The following MYO9B variants were observed in gnomAD, a reference collection of about 807,000 sequenced individuals.
The protein encoded by MYO9B is unconventional myosin-IXb.
In MYO9B, 71 loss-of-function variants were observed where a neutral mutation model predicts 229.5. The ratio of observed to expected loss-of-function variants is 0.31; its 90% CI spans 0.26 to 0.38. The LOEUF is 0.38. Ranked by LOEUF, MYO9B falls within the 10% of genes least tolerant of loss-of-function variation. MYO9B has a pLI of 1.00. For synonymous variants in MYO9B, 1,185 were observed against 1,235.8 expected, an observed-to-expected ratio of 0.96 and a Z score of 0.86; for missense variants, 2,255 against 2,920.5, an observed-to-expected ratio of 0.77 and a Z score of 5.25.
intron 2 of MYO9B, among the ~76,000 whole-genome samples, chr19:17,133,028 G>A (rs9797829): frequency 0.2 from 30,841 of 151,406 alleles, 3,712 homozygotes; most frequent in African/African-American, 0.33. Flanking sequence ...TTGTATTTTT[G>A]GTAGAGACAG....
At chr19:17,125,900 G>A (rs996744688) in intron 2 of MYO9B, among the ~76,000 whole-genome samples, 2 of 152,172 alleles carry the variant, frequency 1.3e-5, no homozygotes, top group African/African-American at 2.4e-5. Context: ...TGAGGTTGGG[G>A]TGACTCTTCC....
intron 10 of MYO9B, among the ~76,000 whole-genome samples, chr19:17,165,795 G>T (rs1161583594): frequency 6.6e-6 from 1 of 152,068 alleles, no homozygotes; most frequent in Non-Finnish European, 1.5e-5. Context: ...AAAAGAAAAT[G>T]TGAAGATTCC....
chr19:17,112,505 G>A (rs891976576), intron 2 of MYO9B, among the ~76,000 whole-genome samples: 3 of 152,340 alleles, frequency 2.0e-5, no homozygotes, highest in Admixed American at 6.5e-5. Flanking sequence ...CTTCCCAAGT[G>A]CGACAGAGAG....
Position 17,172,413 on chromosome 19 carries a change from C to T in MYO9B, c.1871C>T (p.Thr624Ile), listed in dbSNP as rs2072734558. 1.2e-6 allele frequency: 2 copies of T among 1,613,966 alleles called. No homozygotes were observed. Among genetic ancestry groups the T allele is most frequent in the Non-Finnish European group, 1.7e-6 (2 of 1,179,884 alleles). The part of the protein sequence containing the change: ...QHEDNKYFLG[T>I]PVMEPAFIIQ... The stretch of plus-strand genomic sequence containing the variant: ...GAGGACAATAAGTACTTCCTGGGCA[C>T]CCCGGTCATGGAGCCAGCTTTCATC... Residue 624 changes from threonine (T) to isoleucine (I), a missense_variant, in exon 12 of 40, where the codon ACC (threonine) becomes ATC (isoleucine). Around this residue, in one of 7 missense-constraint regions of MYO9B, gnomAD observed 220 missense variants for 404.5 expected, o/e 0.54. Transcript: ENST00000682292. This position sits in a 1 kb window ranked among gnomAD's most constrained non-coding sequence, Gnocchi z 8.2.
At chr19:17,079,139 G>A (rs796618085) in intron 1 of MYO9B, among the ~76,000 whole-genome samples, 13 of 152,260 alleles carry the variant, frequency 8.5e-5, no homozygotes, top group African/African-American at 3.1e-4. Flanking sequence ...CACCTCCCCC[G>A]CCAGGTGAAA....
chr19:17,181,756 T>C (rs2072863867), intron 15 of MYO9B, among the ~76,000 whole-genome samples: 1 of 152,178 alleles, frequency 6.6e-6, no homozygotes. Flanking sequence ...TTTCTTTCTT[T>C]CGTTCGTTCT....
chr19:17,166,642 C>T (rs1206255879), intron 10 of MYO9B, among the ~76,000 whole-genome samples: 1 of 152,072 alleles, frequency 6.6e-6, no homozygotes, highest in Non-Finnish European at 1.5e-5. Context: ...TCCTGATCCG[C>T]TCACTCCTCC....
intron 36 of MYO9B, 147 bp downstream of exon 36, chr19:17,209,856 C>CT: frequency 1.8e-6 from 2 of 1,130,256 alleles, no homozygotes; most frequent in Non-Finnish European, 2.4e-6. Context: ...ACCTCCCATG[C>CT]CGAGGATGGG....
chr19:17,153,645 G>A (rs1303798593), intron 4 of MYO9B, among the ~76,000 whole-genome samples: 3 of 150,966 alleles, frequency 2.0e-5, no homozygotes, highest in Admixed American at 6.6e-5. Flanking sequence ...GCAGTGAGCT[G>A]TGATTGCACC....
At chr19:17,079,707 G>C (rs2057517415) in intron 1 of MYO9B, among the ~76,000 whole-genome samples, 2 of 152,218 alleles carry the variant, frequency 1.3e-5, no homozygotes, top group South Asian at 2.1e-4. Flanking sequence ...AGACGCTCTG[G>C]GGCCACGGGA....
Position 17,079,348 on chromosome 19 carries a change from C to T in MYO9B, c.-59+3474C>T, listed in dbSNP as rs186737416. Among the ~76,000 whole-genome samples the T allele has an allele frequency of 9.2e-5, 14 of 152,258 alleles. 1 individual carries two copies. The highest frequency in any genetic ancestry group is 3.9e-4 in the East Asian group (2 of 5,174). ...GATAAAAAGGAGGAACCGTTAGGAA[C>T]GGACTGTGGGAGGGTAGGCAACGTG... On this transcript the variant is annotated intron_variant, in intron 1 of 39. Transcript: ENST00000682292.
chr19:17,184,011 G>C lies in MYO9B; in HGVS notation c.2373+143G>C, dbSNP rs984961314. On this transcript the variant is annotated intron_variant, in intron 16 of 39. Coordinates refer to ENST00000682292, the MANE Select transcript of MYO9B (RefSeq NM_004145.4). ...CCTCCAAGAAAAAAAAAATGTTCTC[G>C]TGTTGAGATGATTTAGAGCTGTCTC... 20 of 829,368 alleles carry C rather than the reference G, an allele frequency of 2.4e-5. No homozygotes were observed. In the African/African-American group the frequency reaches 3.3e-4, roughly 14 times the overall value. 51.4% of individuals were successfully genotyped at this position (829,368 alleles called of 1,614,324 possible).
chr19:17,202,126 A>G lies in MYO9B; in HGVS notation c.4663-4A>G, dbSNP rs768923049. 3.1e-5 allele frequency: 50 copies of G among 1,613,294 alleles called. No individual in the cohort carries two copies. Among genetic ancestry groups the G allele is most frequent in the Non-Finnish European group, 4.2e-5 (49 of 1,179,514 alleles). On this transcript the variant is annotated splice_region_variant and splice_polypyrimidine_tract_variant and intron_variant, in intron 27 of 39. Transcript: ENST00000682292. ...CTGCAGGGTGACGCCTAGCATTCCT[A>G]CAGAACGGGAAGATCCACGTGGGCT...
chr19:17,086,670 A>G (rs537473077), intron 1 of MYO9B, among the ~76,000 whole-genome samples: 59 of 152,296 alleles, frequency 3.9e-4, no homozygotes, highest in Middle Eastern at 3.4e-3. Context: ...GCTTGAGGCC[A>G]GGAGTTCAAG....
At chr19:17,140,703 G>C (rs2072328601) in intron 2 of MYO9B, among the ~76,000 whole-genome samples, 1 of 151,324 alleles carries the variant, frequency 6.6e-6, no homozygotes, top group Non-Finnish European at 1.5e-5. Flanking sequence ...GGTCAGGCTG[G>C]TCTCAAACTC....
chr19:17,191,354 A>C (rs1468599843), intron 20 of MYO9B, 135 bp downstream of exon 20: 9 of 1,201,598 alleles, frequency 7.5e-6, no homozygotes, highest in Non-Finnish European at 1.0e-5. Flanking sequence ...CTCGGGACCC[A>C]GCAGAGCACT....
intron 11 of MYO9B, among the ~76,000 whole-genome samples, chr19:17,171,121 C>T (rs2072720048): frequency 1.3e-5 from 2 of 152,148 alleles, no homozygotes; most frequent in South Asian, 4.1e-4. Context: ...CTTTACAGTC[C>T]TGGAAATGAT....
At chr19:17,113,208 G>C (rs1421068084) in intron 2 of MYO9B, among the ~76,000 whole-genome samples, 1 of 152,202 alleles carries the variant, frequency 6.6e-6, no homozygotes. Context: ...GCTGGGCTGA[G>C]GGAGAAGGAA....
chr19:17,205,223 C>T (rs774006381), intron 30 of MYO9B, 40 bp from the exon 31 acceptor site: 6 of 1,590,788 alleles, frequency 3.8e-6, no homozygotes, highest in South Asian at 3.3e-5. Flanking sequence ...ATCTGGGGTC[C>T]CCAGCACCCT....
Sources: gnomAD v4.1 joint callset for allele counts (sites outside exome capture counted in the v4.1 genomes callset) on GRCh38, gnomAD v4.1.1 for gene constraint, gnomAD v4.1.1 regional missense constraint, Gnocchi (gnomAD v3.1) non-coding constraint, MANE v1.5 for transcripts, NCBI Gene and HGNC (gene_info 2026-07-23, HGNC 2026-07-21) for gene names.